The following NACA variants were observed in gnomAD, a reference collection of about 807,000 sequenced individuals.
NACA encodes nascent polypeptide-associated complex subunit alpha.
Under a neutral mutation model 86.4 loss-of-function variants are expected in NACA, and 42 were observed. That is an observed-to-expected ratio of 0.49 (90% CI 0.38 to 0.63). The LOEUF (loss-of-function observed/expected upper bound fraction) is 0.63, where lower values mean the gene tolerates loss of function less well. Ranked by LOEUF, NACA falls within the 20% of genes least tolerant of loss-of-function variation. NACA has a pLI of 0.00. For missense variants in NACA, 2,157 were observed against 2,483.6 expected (o/e 0.87, Z 2.80); for synonymous variants, 898 against 973.7 (o/e 0.92, Z 1.45).
rs549577760 is a variant in NACA at position 56,719,033 on chromosome 12, C to T, written c.2497G>A (p.Ala833Thr). The change falls in exon 3 of 9, where the codon GCT becomes ACT. Residue 833 changes from alanine to threonine, a missense_variant. By Grantham distance (58) the Ala-to-Thr change is moderately conservative. This residue lies in a region of NACA where 174 missense variants were observed against 217.0 expected (regional missense o/e 0.80). Transcript: ENST00000454682. Reference protein sequence around the residue: ...NLSSPVSPVEASFLPENSLSF... With the variant: ...NLSSPVSPVETSFLPENSLSF... ...AGACTATTCTCTGGAAGAAATGAAG[C>T]TTCAACTGGAGAAACAGGGGATGAG... 5 of 1,448,006 alleles carry T rather than the reference C, an allele frequency of 3.5e-6. No homozygotes were observed. Among genetic ancestry groups the T allele is most frequent in the South Asian group, 3.4e-5 (3 of 88,702 alleles). The allele number at this position is 1,448,006 out of a possible 1,614,324, so 89.7% of individuals were successfully genotyped here. A position where few individuals can be genotyped will look rare whatever the true frequency, so the allele number is the denominator to read the frequency against.
Position 56,719,701 on chromosome 12 carries a change from G to A in NACA, c.1829C>T (p.Ser610Phe). The part of the protein sequence containing the change: ...PIGKPASSMT[S>F]PLGVNSSASV... ...GGCCGAGGAGTTAACACCCAGAGGG[G>A]AGGTCATACTGCTGGCTGGCTTACC... The change falls in exon 3 of 9, where the codon TCC (serine) becomes TTC (phenylalanine). Residue 610 changes from serine to phenylalanine, a missense_variant. Physicochemically the swap from Ser to Phe is radical, Grantham distance 155. Transcript: ENST00000454682. The A allele has an allele frequency of 1.2e-6, 2 of 1,613,938 alleles. No individual in the cohort carries two copies. The highest frequency in any genetic ancestry group is 2.2e-5 in the East Asian group (1 of 44,878).
chr12:56,719,966 C>G lies in NACA; in HGVS notation c.1564G>C (p.Val522Leu). 1 of 1,613,720 alleles carries G rather than the reference C, an allele frequency of 6.2e-7. No homozygotes were observed. Among genetic ancestry groups the G allele is most frequent in the Middle Eastern group, 1.7e-4 (1 of 6,060 alleles). The change falls in exon 3 of 9, where the codon GTA becomes CTA. Residue 522 changes from valine to leucine, a missense_variant. Transcript: ENST00000454682. ...PEDLKNLPSS[V>L]LVKFPTQKDL... The stretch of plus-strand genomic sequence containing the variant: ...TTTTGTGTTGGAAATTTAACCAATA[C>G]TGAACTGGGGAGATTTTTGAGGTCT...
At chr12:56,714,731 A>G (rs751331469) in intron 3 of NACA, 44 bp from the exon 4 acceptor site, 14 of 1,571,240 alleles carry the variant, frequency 8.9e-6, no homozygotes, top group Middle Eastern at 1.7e-4. Flanking sequence ...TAGAAATTAT[A>G]AGAGAAGGTA....
Position 56,718,182 on chromosome 12 carries a change from A to C in NACA, c.3348T>G (p.Gly1116=), listed in dbSNP as rs1458778138. The change falls in exon 3 of 9, where the codon GGT becomes GGG. Residue 1116 remains glycine (G), a synonymous_variant. Coordinates refer to ENST00000454682, the MANE Select transcript of NACA (RefSeq NM_001365896.1). ...PAATPPSPKG[G]LATPPHKGAP... The stretch of plus-strand genomic sequence containing the variant: ...CCCCTTTGTGGGGTGGGGTAGCTAG[A>C]CCTCCTTTTGGGGAGGGAGGAGTTG... 1.0e-6 allele frequency: 1 copy of C among 977,202 alleles called. No individual in the cohort carries two copies. The highest frequency in any genetic ancestry group is 1.2e-6 in the Non-Finnish European group (1 of 825,990). 60.5% of individuals were successfully genotyped at this position (977,202 alleles called of 1,614,324 possible).
At position 56,719,576 on chromosome 12, in the gene NACA, T is replaced by C. The variant is rs560586465; in HGVS notation, c.1954A>G (p.Ser652Gly). ...TPTVAAFPLESADPAGVAPTT... is the reference protein window; with the variant it reads ...TPTVAAFPLEGADPAGVAPTT... ...GGAGCCACCCCGGCAGGGTCAGCACTTTCCAAAGGAAATGCAGCCACTGTT... is the reference window on the plus strand; with the variant it reads ...GGAGCCACCCCGGCAGGGTCAGCACCTTCCAAAGGAAATGCAGCCACTGTT... The change falls in exon 3 of 9, where the codon AGT becomes GGT. Residue 652 changes from serine to glycine, a missense_variant. Ser to Gly is a moderately conservative substitution (Grantham distance 56). This residue lies in a region of NACA where 947 missense variants were observed against 917.9 expected (regional missense o/e 1.03). Coordinates refer to ENST00000454682, the MANE Select transcript of NACA (RefSeq NM_001365896.1). The C allele has an allele frequency of 5.7e-5, 92 of 1,613,928 alleles. 1 individual carries two copies. The East Asian group carries it at 1.4e-3, about 25-fold the overall frequency.
Position 56,720,295 on chromosome 12 carries a change from G to A in NACA, c.1235C>T (p.Ser412Phe). 6.2e-7 allele frequency: 1 copy of A among 1,613,886 alleles called. No homozygotes were observed. The stretch of plus-strand genomic sequence containing the variant: ...ATTAGGAGAGCTTTTGAGAATGAGA[G>A]AGGTTGTAGGAGATAATGAAAAAGA... Reference protein sequence around the residue: ...ATSFSLSPTTSLILKSSPNAT... With the variant: ...ATSFSLSPTTFLILKSSPNAT... The change falls in exon 3 of 9, where the codon TCT becomes TTT. Residue 412 changes from serine to phenylalanine, a missense_variant. Ser to Phe is a radical substitution (Grantham distance 155). Around this residue, in one of 8 missense-constraint regions of NACA, gnomAD observed 947 missense variants for 917.9 expected, o/e 1.03. Transcript: ENST00000454682.
In NACA at chr12:56,714,199, A is replaced by G. The variant is rs571985471; in HGVS notation, c.5823+163T>C. 210 of 649,712 alleles carry G rather than the reference A, an allele frequency of 3.2e-4. 2 individuals carry two copies. The South Asian group carries it at 3.6e-3, about 11-fold the overall frequency. 40.2% of individuals were successfully genotyped at this position (649,712 alleles called of 1,614,324 possible). ...CACTACTAAGAATTGGGTTCAGTGT[A>G]TACTGCTTGGGTGACAGGTGCACCA... is the stretch of plus-strand genomic sequence containing the variant. On this transcript the variant is annotated intron_variant, in intron 5 of 8. Transcript: ENST00000454682.
In NACA at chr12:56,718,567, G is replaced by C. The variant is rs761204306; in HGVS notation, c.2963C>G (p.Pro988Arg). Residue 988 changes from proline (P) to arginine (R), a missense_variant, in exon 3 of 9, where the codon CCC becomes CGC. This residue lies in a region of NACA where 124 missense variants were observed against 186.5 expected (regional missense o/e 0.66). Coordinates refer to ENST00000454682, the MANE Select transcript of NACA (RefSeq NM_001365896.1). ...GGGGGAGGGAGGAGTTGCAGCTGGG[G>C]GTGTGGGGGCCCCTTTGGGGGATGG... Reference protein sequence around the residue: ...ATPSPKGAPTPPAATPPSPKG... With the variant: ...ATPSPKGAPTRPAATPPSPKG... 7.7e-7 allele frequency: 1 copy of C among 1,300,138 alleles called. No homozygotes were observed. The highest frequency in any genetic ancestry group is 1.5e-5 in the South Asian group (1 of 68,672). 80.5% of individuals were successfully genotyped at this position (1,300,138 alleles called of 1,614,324 possible).
Position 56,717,224 on chromosome 12 carries a change from G to A in NACA, c.4306C>T (p.Pro1436Ser). 7.6e-7 allele frequency: 1 copy of A among 1,317,784 alleles called. No homozygotes were observed. The highest frequency in any genetic ancestry group is 1.5e-5 in the South Asian group (1 of 67,878). The allele number at this position is 1,317,784 out of a possible 1,614,324, so 81.6% of individuals were successfully genotyped here. The change falls in exon 3 of 9, where the codon CCA becomes TCA. Residue 1436 changes from proline (P) to serine (S), a missense_variant. Around this residue, in one of 8 missense-constraint regions of NACA, gnomAD observed 797 missense variants for 777.6 expected, o/e 1.02. Coordinates refer to ENST00000454682, the MANE Select transcript of NACA (RefSeq NM_001365896.1). ...ATPSKGDLTP[P>S]AVTPVSLKKA... is the part of the protein sequence containing the mutation. ...TTGAGGGAGACAGGAGTCACTGCTG[G>A]GGGAGTGAGATCTCCTTTGGATGGG...
chr12:56,723,314 A>C (rs1018139711), intron 2 of NACA, among the ~76,000 whole-genome samples: 1 of 152,230 alleles, frequency 6.6e-6, no homozygotes, highest in Non-Finnish European at 1.5e-5. Flanking sequence ...TAAATGCATT[A>C]GTTTTGAAGC....
chr12:56,721,440 T>C lies in NACA; in HGVS notation c.90A>G (p.Ser30=). The C allele has an allele frequency of 6.6e-7, 1 of 1,508,342 alleles. No individual in the cohort carries two copies. The highest frequency in any genetic ancestry group is 1.3e-5 in the South Asian group (1 of 77,000). The allele number at this position is 1,508,342 out of a possible 1,614,324, so 93.4% of individuals were successfully genotyped here. A position where few individuals can be genotyped will look rare whatever the true frequency, so the allele number is the denominator to read the frequency against. The change falls in exon 3 of 9, where the codon TCA becomes TCG. Residue 30 remains serine, a synonymous_variant. Coordinates refer to ENST00000454682, the MANE Select transcript of NACA (RefSeq NM_001365896.1). ...CTAAGGCAGCAGTGACACTCAAGGC[T>C]GAAGACATAGGTAGCACAGCTGGAG... ...QAETAVLPMS[S]ALSVTAALGQ... is the part of the protein sequence containing the mutation.
Position 56,718,525 on chromosome 12 carries a change from G to A in NACA, c.3005C>T (p.Thr1002Ile). 1.5e-6 allele frequency: 2 copies of A among 1,293,174 alleles called. No individual in the cohort carries two copies. The highest frequency in any genetic ancestry group is 2.0e-6 in the Non-Finnish European group (2 of 1,002,198). The allele number at this position is 1,293,174 out of a possible 1,614,324, so 80.1% of individuals were successfully genotyped here. ...TPPSPKGGPA[T>I]PSPKGAPTPP... ...TGTGGGGGCCCCTTTGGGGGATGGA[G>A]TAGCTGGACCTCCTTTGGGGGAGGG... Residue 1002 changes from threonine (T) to isoleucine (I), a missense_variant, in exon 3 of 9, where the codon ACT becomes ATT. By Grantham distance (89) the Thr-to-Ile change is moderately conservative (BLOSUM62 -1). Around this residue, in one of 8 missense-constraint regions of NACA, gnomAD observed 124 missense variants for 186.5 expected, o/e 0.66. Transcript: ENST00000454682.
rs1953507605 is a variant in NACA, at chr12:56,719,423, T to C, written c.2107A>G (p.Thr703Ala). 2 of 1,612,184 alleles carry C rather than the reference T, an allele frequency of 1.2e-6. No individual in the cohort carries two copies. Among genetic ancestry groups the C allele is most frequent in the African/African-American group, 1.3e-5 (1 of 74,962 alleles). ...GCCACAGGGCAATTTTCTGAAGCTGTAGGAACCAAGGGTAAAGTAGTAAGA... is the reference window on the plus strand; with the variant it reads ...GCCACAGGGCAATTTTCTGAAGCTGCAGGAACCAAGGGTAAAGTAGTAAGA... ...GTLTTLPLVP[T>A]ASENCPVAPS... The change falls in exon 3 of 9, where the codon ACA becomes GCA. Residue 703 changes from threonine to alanine, a missense_variant. Physicochemically the swap from Thr to Ala is moderately conservative, Grantham distance 58. Coordinates refer to ENST00000454682, the MANE Select transcript of NACA (RefSeq NM_001365896.1).
rs767287665 is a variant in NACA, at chr12:56,715,948, T to C, written c.5582A>G (p.Asn1861Ser). The change falls in exon 3 of 9, where the codon AAC becomes AGC. Residue 1861 changes from asparagine to serine, a missense_variant. Physicochemically the swap from Asn to Ser is conservative, Grantham distance 46. Transcript: ENST00000454682. ...GGVPFQSVLV[N>S]MPTPKSAGIP... The stretch of plus-strand genomic sequence containing the variant: ...TCCAGCAGATTTAGGGGTGGGCATG[T>C]TGACGAGGACCGACTGGAAAGGCAC... 7 of 1,535,878 alleles carry C rather than the reference T, an allele frequency of 4.6e-6. No individual in the cohort carries two copies. In the East Asian group the frequency reaches 9.0e-5, roughly 20 times the overall value.
intron 1 of NACA, chr12:56,724,749 G>T (rs1041196685): frequency 3.0e-5 from 16 of 531,568 alleles, no homozygotes; most frequent in Non-Finnish European, 6.7e-6. Flanking sequence ...CAACCCGAGG[G>T]AGAGGATCCC....
chr12:56,719,658 A>C lies in NACA; in HGVS notation c.1872T>G (p.Asp624Glu), dbSNP rs1160504863. Residue 624 changes from aspartate to glutamate, a missense_variant, in exon 3 of 9, where the codon GAT becomes GAG. By Grantham distance (45) the Asp-to-Glu change is conservative. Coordinates refer to ENST00000454682, the MANE Select transcript of NACA (RefSeq NM_001365896.1). ...VNSSASVIKT[D>E]SYAGPDSAGP... ...CAGCAGAGTCTGGGCCTGCATAAGA[A>C]TCTGTCTTGATTACAGAGGCCGAGG... 4 of 1,613,720 alleles carry C rather than the reference A, an allele frequency of 2.5e-6. No homozygotes were observed. Among genetic ancestry groups the C allele is most frequent in the Non-Finnish European group, 3.4e-6 (4 of 1,179,706 alleles).
intron 3 of NACA, among the ~76,000 whole-genome samples, chr12:56,715,440 G>T (rs1953326529): frequency 1.3e-5 from 2 of 152,112 alleles, no homozygotes; most frequent in South Asian, 4.1e-4. Flanking sequence ...TCATTACTAA[G>T]TCTAATAATG....
rs76076193 is a variant in NACA, at chr12:56,716,658, G to A, written c.4872C>T (p.Pro1624=). 33,922 of 1,434,280 alleles carry A rather than the reference G, an allele frequency of 0.024. 571 individuals are homozygous for A. Among genetic ancestry groups the A allele is most frequent in the South Asian group, 0.058 (5,041 of 87,558 alleles). 88.8% of individuals were successfully genotyped at this position (1,434,280 alleles called of 1,614,324 possible). The stretch of plus-strand genomic sequence containing the variant: ...GGGCTGGAGTTGCTGGGCCCTTTTC[G>A]GGGGATGGAGGAGTCACAGCTGGAG... The part of the protein sequence containing the change: ...PTPPAVTPPS[P]EKGPATPAPK... The change falls in exon 3 of 9, where the codon CCC becomes CCT. Residue 1624 remains proline, a synonymous_variant. Coordinates refer to ENST00000454682, the MANE Select transcript of NACA (RefSeq NM_001365896.1).
chr12:56,717,082 T>C lies in NACA; in HGVS notation c.4448A>G (p.Gln1483Arg), dbSNP rs1357750535. 1 of 1,162,804 alleles carries C rather than the reference T, an allele frequency of 8.6e-7. No homozygotes were observed. The highest frequency in any genetic ancestry group is 1.1e-6 in the Non-Finnish European group (1 of 934,108). 72.0% of individuals were successfully genotyped at this position (1,162,804 alleles called of 1,614,324 possible). Residue 1483 changes from glutamine to arginine, a missense_variant, in exon 3 of 9, where the codon CAA becomes CGA. Gln to Arg is a conservative substitution (Grantham distance 43). Transcript: ENST00000454682. ...PSPKEPPAPK[Q>R]VATSSSPKKA... The stretch of plus-strand genomic sequence containing the variant: ...TTTGGGAGAGGAAGAAGTGGCAACT[T>C]GTTTGGGGGCTGGGGGCTCCTTGGG...
Sources: gnomAD v4.1 joint callset for allele counts (sites outside exome capture counted in the v4.1 genomes callset) on GRCh38, gnomAD v4.1.1 for gene constraint, gnomAD v4.1.1 regional missense constraint, MANE v1.5 for transcripts, NCBI Gene and HGNC (gene_info 2026-07-23, HGNC 2026-07-21) for gene names.